CFAP20DC: variants seen among roughly 807,000 people sequenced by gnomAD.
CFAP20DC encodes CFAP20 domain containing, also known as protein CFAP20DC.
Under a neutral mutation model 101.7 loss-of-function variants are expected in CFAP20DC, and 84 were observed. The observed-to-expected ratio is 0.83, with a 90% CI of 0.69 to 0.99. CFAP20DC has a LOEUF of 0.99. Among genes scored for constraint, CFAP20DC ranks in the 50% least tolerant of loss-of-function variants. CFAP20DC has a pLI of 0.00. For synonymous variants in CFAP20DC, 359 were observed against 351.2 expected, an observed-to-expected ratio of 1.02 and a Z score of -0.25; for missense variants, 1,007 against 970.3, an observed-to-expected ratio of 1.04 and a Z score of -0.50.
Position 58,913,555 on chromosome 3 carries a change from T to C in CFAP20DC, c.550+153A>G, listed in dbSNP as rs1024061531. 4.2e-6 allele frequency: 3 copies of C among 717,432 alleles called. No individual in the cohort carries two copies. The highest frequency in any genetic ancestry group is 7.2e-6 in the Non-Finnish European group (3 of 415,162). The allele number at this position is 717,432 out of a possible 1,614,324, so 44.4% of individuals were successfully genotyped here. On this transcript the variant is annotated intron_variant, in intron 6 of 16. Transcript: ENST00000482387. This position sits in a 1 kb window ranked among gnomAD's most constrained non-coding sequence, Gnocchi z 4.4. ...AGCTATAGTAAAAATAAACATTTGA[T>C]CTAGAACAAAGAAATCAGCATGACT... is the stretch of plus-strand genomic sequence containing the variant.
At chr3:58,792,273 T>C (rs1439524478) in intron 15 of CFAP20DC, among the ~76,000 whole-genome samples, 1 of 152,108 alleles carries the variant, frequency 6.6e-6, no homozygotes, top group African/African-American at 2.4e-5. Context: ...CATGCCAAAG[T>C]AGTATATTTA....
intron 4 of CFAP20DC, among the ~76,000 whole-genome samples, chr3:58,965,814 T>A (rs894211362): frequency 3.3e-5 from 5 of 152,200 alleles, no homozygotes; most frequent in Non-Finnish European, 7.3e-5. Context: ...CATAAGATAC[T>A]GTAACAAGCT....
At chr3:59,029,043 G>A (rs1203386333) in intron 4 of CFAP20DC, among the ~76,000 whole-genome samples, 2 of 152,124 alleles carry the variant, frequency 1.3e-5, no homozygotes, top group African/African-American at 4.8e-5. Context: ...TTGCTCTTAT[G>A]TTATCATAAC....
intron 4 of CFAP20DC, among the ~76,000 whole-genome samples, chr3:58,987,270 G>T (rs746124959): frequency 6.6e-6 from 1 of 151,756 alleles, no homozygotes; most frequent in Non-Finnish European, 1.5e-5. Context: ...TAAATTTAAG[G>T]GTAACCACTA....
chr3:58,833,470 A>G (rs2076533747), intron 13 of CFAP20DC, among the ~76,000 whole-genome samples: 1 of 152,246 alleles, frequency 6.6e-6, no homozygotes, highest in Admixed American at 6.5e-5. Flanking sequence ...AAACACATAC[A>G]AAGATGTTCA....
intron 5 of CFAP20DC, among the ~76,000 whole-genome samples, chr3:58,917,563 T>G (rs943983839): frequency 6.6e-6 from 1 of 152,194 alleles, no homozygotes; most frequent in Non-Finnish European, 1.5e-5. Flanking sequence ...AACCTCATTC[T>G]GTTTTCTCAC....
intron 4 of CFAP20DC, among the ~76,000 whole-genome samples, chr3:58,949,398 C>T (rs1481259780): frequency 6.6e-6 from 1 of 152,036 alleles, no homozygotes; most frequent in Non-Finnish European, 1.5e-5. Context: ...TTAGATCTTT[C>T]CTGCTTTCAC....
At chr3:58,968,253 T>C (rs2091717407) in intron 4 of CFAP20DC, among the ~76,000 whole-genome samples, 1 of 152,200 alleles carries the variant, frequency 6.6e-6, no homozygotes, top group South Asian at 2.1e-4. Context: ...GGTCAAATGG[T>C]AGTTCTGCTT....
At chr3:58,716,222 C>T (rs575183097), downstream of CFAP20DC, among the ~76,000 whole-genome samples, 153 of 132,212 alleles carry the variant, frequency 1.2e-3, 1 homozygote, top group South Asian at 0.023. Context: ...ACTGCAGTGG[C>T]GCAATCTCGG....
rs1475863255 is a variant in CFAP20DC at position 59,015,638 on chromosome 3, A to G, written c.278+23919T>C. The stretch of plus-strand genomic sequence containing the variant: ...ATATCTAATCCTCTAGTTTATTCAC[A>G]TTTACATCACTTTAGGAATTAGTTG... On this transcript the variant is annotated intron_variant, in intron 4 of 16. Transcript: ENST00000482387. The surrounding 1 kb of genome is among the most constrained non-coding windows in gnomAD (Gnocchi z 5.4). Among the ~76,000 whole-genome samples, 1 of 152,090 alleles carries G rather than the reference A, an allele frequency of 6.6e-6. No homozygotes were observed. The highest frequency in any genetic ancestry group is 1.5e-5 in the Non-Finnish European group (1 of 68,000).
chr3:58,755,610 G>A (rs867116676), intron 15 of CFAP20DC, among the ~76,000 whole-genome samples: 5 of 152,206 alleles, frequency 3.3e-5, no homozygotes, highest in Non-Finnish European at 5.9e-5. Context: ...TCACTTCTTA[G>A]GTCAATAATT....
chr3:58,760,777 C>G (rs1292069566), intron 15 of CFAP20DC, among the ~76,000 whole-genome samples: 1 of 152,180 alleles, frequency 6.6e-6, no homozygotes, highest in Non-Finnish European at 1.5e-5. Context: ...GACTTTTCTG[C>G]ATCTATTGAG....
At chr3:58,870,912 A>AG (rs2080142513) in intron 7 of CFAP20DC, among the ~76,000 whole-genome samples, 1 of 150,056 alleles carries the variant, frequency 6.7e-6, no homozygotes, top group Non-Finnish European at 1.5e-5. Context: ...AAAAAAAAAA[A>AG]AAAAAAAAAA....
chr3:58,974,711 G>A (rs2092170405), intron 4 of CFAP20DC, among the ~76,000 whole-genome samples: 2 of 152,230 alleles, frequency 1.3e-5, no homozygotes, highest in Non-Finnish European at 2.9e-5. Context: ...GTTAAATGAA[G>A]GTTTCCAGGT....
At chr3:58,716,701 T>G (rs62252022), downstream of CFAP20DC, among the ~76,000 whole-genome samples, 9,705 of 152,206 alleles carry the variant, frequency 0.064, 349 homozygotes, top group Non-Finnish European at 0.077. Flanking sequence ...TATCTGCCAC[T>G]GACATTTCAG....
chr3:58,731,612 T>A (rs565007669), intron 3 of CFAP20DC, among the ~76,000 whole-genome samples: 2 of 152,358 alleles, frequency 1.3e-5, no homozygotes, highest in African/African-American at 4.8e-5. Context: ...ATTAAATTCA[T>A]AGGTAATAAG....
In CFAP20DC at chr3:58,744,096, C is replaced by T. The variant is rs140009087; in HGVS notation, c.2333-1524G>A. On this transcript the variant is annotated intron_variant, in intron 16 of 16. Transcript: ENST00000482387. ...GTGGAGTTCAACTGAGGAATGATTA[C>T]ATCTGCCTTGGTTGCTAATACCTCA... Among the ~76,000 whole-genome samples, 696 of 152,324 alleles carry T rather than the reference C, an allele frequency of 4.6e-3. 5 individuals carry two copies. Among genetic ancestry groups the T allele is most frequent in the Non-Finnish European group, 7.7e-3 (522 of 68,030 alleles).
chr3:58,922,653 A>AT (rs1674051056), intron 5 of CFAP20DC, among the ~76,000 whole-genome samples: 1 of 152,164 alleles, frequency 6.6e-6, no homozygotes, highest in East Asian at 1.9e-4. Context: ...ATGCAGTCCG[A>AT]GGCTCTTCCC....
chr3:58,917,062 C>T (rs1450420794), intron 5 of CFAP20DC, among the ~76,000 whole-genome samples: 2 of 151,978 alleles, frequency 1.3e-5, no homozygotes, highest in Non-Finnish European at 2.9e-5. Context: ...ATTATTGGTC[C>T]TTAAGAAGTA....
Sources: allele counts gnomAD v4.1 joint callset (sites outside exome capture counted in the v4.1 genomes callset), GRCh38; gene constraint gnomAD v4.1.1; non-coding constraint Gnocchi (gnomAD v3.1); transcripts MANE v1.5; gene names NCBI Gene and HGNC (gene_info 2026-07-23, HGNC 2026-07-21).